Variants in WWC2 observed in about 807,000 individuals in gnomAD.
WWC2 encodes the protein protein WWC2.
WWC2 carries 101 observed loss-of-function variants against 138.5 expected under a neutral mutation model. The observed-to-expected ratio is 0.73, with a 90% CI of 0.62 to 0.86. The LOEUF is 0.86. Ranked by LOEUF, WWC2 falls within the 40% of genes least tolerant of loss-of-function variation. WWC2 has a pLI of 0.00. For synonymous variants in WWC2, 558 were observed against 538.4 expected (o/e 1.04, Z -0.50); for missense variants, 1,420 against 1,419.4 (o/e 1.00, Z -0.01).
Position 183,143,034 on chromosome 4 carries a change from G to A in WWC2, c.131+43412G>A, listed in dbSNP as rs141683046. Among the ~76,000 whole-genome samples the A allele has an allele frequency of 6.1e-3, 933 of 152,320 alleles. 14 individuals carry two copies. The highest frequency in any genetic ancestry group is 0.021 in the African/African-American group (873 of 41,584). On this transcript the variant is annotated intron_variant, in intron 1 of 22. Transcript: ENST00000403733. Reference sequence around the variant, plus strand: ...ACTGTCAGAAGAGAATCACCAGATAGAAGGTGTAGCAACAAGCACTGTCCC... The same window carrying A: ...ACTGTCAGAAGAGAATCACCAGATAAAAGGTGTAGCAACAAGCACTGTCCC...
At chr4:183,289,147 T>C (rs895616777) in intron 20 of WWC2, among the ~76,000 whole-genome samples, 2 of 152,246 alleles carry the variant, frequency 1.3e-5, no homozygotes, top group African/African-American at 4.8e-5. Flanking sequence ...TGTGGTTCTT[T>C]GCTCTCCCTC....
intron 1 of WWC2, among the ~76,000 whole-genome samples, chr4:183,100,305 A>C (rs1743135140): frequency 6.6e-6 from 1 of 152,246 alleles, no homozygotes; most frequent in African/African-American, 2.4e-5. Flanking sequence ...ATGTAGTGAA[A>C]TTAACGTTGG....
rs775681057 is a variant in WWC2, at chr4:183,184,886, TAGG to T, written c.132-8708_132-8706del. Among the ~76,000 whole-genome samples the T allele has an allele frequency of 7.9e-5, 12 of 152,062 alleles. 1 individual carries two copies. Among genetic ancestry groups the T allele is most frequent in the African/African-American group, 2.7e-4 (11 of 41,314 alleles). On this transcript the variant is annotated intron_variant, in intron 1 of 22. Transcript: ENST00000403733. ...TAAATGAAGTGTCTACTATTCCAAA[TAGG>T]AGGACTGTTAAGCCATTATCTGTTT...
intron 1 of WWC2, among the ~76,000 whole-genome samples, chr4:183,102,101 T>TGAC (rs1743198157): frequency 6.6e-6 from 1 of 152,234 alleles, no homozygotes; most frequent in African/African-American, 2.4e-5. Context: ...TGGAGGTGAA[T>TGAC]GACGTCATTC....
chr4:183,113,085 C>T (rs1329899806), intron 1 of WWC2, among the ~76,000 whole-genome samples: 2 of 151,932 alleles, frequency 1.3e-5, no homozygotes, highest in African/African-American at 4.8e-5. Flanking sequence ...CCAGCCTAGC[C>T]AACATGGCAA....
intron 21 of WWC2, among the ~76,000 whole-genome samples, chr4:183,295,617 C>A (rs1738605216): frequency 6.6e-6 from 1 of 152,174 alleles, no homozygotes. Flanking sequence ...TCTTAGAGAC[C>A]TTATGTACAA....
At position 183,316,815 on chromosome 4, in the gene WWC2, A is replaced by G. The variant is rs1331891972; in HGVS notation, c.*1086A>G. On this transcript the variant is annotated 3_prime_UTR_variant, in exon 23 of 23. Transcript: ENST00000403733. ...GGGTTCTATCTATAATTTATGGTAAATAGTTGGGAGGCAAAGGGAAGAATG... is the reference window on the plus strand; with the variant it reads ...GGGTTCTATCTATAATTTATGGTAAGTAGTTGGGAGGCAAAGGGAAGAATG... 6.6e-6 allele frequency: 1 copy of G among 152,218 alleles called. No homozygotes were observed. The highest frequency in any genetic ancestry group is 1.5e-5 in the Non-Finnish European group (1 of 68,044). The allele number at this position is 152,218 out of a possible 1,614,324, so 9.4% of individuals were successfully genotyped here. A position where few individuals can be genotyped will look rare whatever the true frequency, so the allele number is the denominator to read the frequency against.
At chr4:183,180,446 G>T (rs955452023) in intron 1 of WWC2, among the ~76,000 whole-genome samples, 3 of 152,128 alleles carry the variant, frequency 2.0e-5, no homozygotes, top group African/African-American at 2.4e-5. Context: ...TCATGCCAAC[G>T]ATGTTCTGAA....
chr4:183,289,359 C>CAG, intron 20 of WWC2, 34 bp from the exon 21 acceptor site: 1 of 1,598,648 alleles, frequency 6.3e-7, no homozygotes, highest in Non-Finnish European at 8.5e-7. Flanking sequence ...CCTGTATAAC[C>CAG]AGGGTGTTCG....
chr4:183,242,494 A>G (rs962465915), intron 5 of WWC2, among the ~76,000 whole-genome samples: 2 of 152,196 alleles, frequency 1.3e-5, no homozygotes, highest in Non-Finnish European at 2.9e-5. Context: ...TGTGGTCCCA[A>G]ATTTGACTTC....
chr4:183,283,128 A>G (rs932781565), intron 18 of WWC2, among the ~76,000 whole-genome samples: 3 of 152,244 alleles, frequency 2.0e-5, no homozygotes, highest in African/African-American at 7.2e-5. Flanking sequence ...TGGAGAATAT[A>G]TAAGAAGAGA....
chr4:183,202,252 G>A (rs1023387062), intron 2 of WWC2, among the ~76,000 whole-genome samples: 3 of 152,056 alleles, frequency 2.0e-5, no homozygotes, highest in Non-Finnish European at 4.4e-5. Flanking sequence ...AAAAGAGGAG[G>A]TTAGGGATAT....
At chr4:183,154,289 TTATCTGTA>T (rs1446482954) in intron 1 of WWC2, among the ~76,000 whole-genome samples, 2 of 152,200 alleles carry the variant, frequency 1.3e-5, no homozygotes, top group Non-Finnish European at 2.9e-5. Flanking sequence ...CTCAGTTTCC[TTATCTGTA>T]CAGTAGGGGT....
intron 1 of WWC2, among the ~76,000 whole-genome samples, chr4:183,103,693 AGTG>A (rs963904814): frequency 5.7e-5 from 8 of 140,736 alleles, no homozygotes; most frequent in African/African-American, 1.9e-4. Flanking sequence ...ACTGGAGTGC[AGTG>A]GTGCCATCTC....
chr4:183,216,596 C>G (rs1261141839), intron 4 of WWC2, among the ~76,000 whole-genome samples: 1 of 152,152 alleles, frequency 6.6e-6, no homozygotes, highest in Admixed American at 6.5e-5. Flanking sequence ...CTTCAGGTAA[C>G]AGTAGAAGAC....
chr4:183,253,415 A>C (rs1026032252), intron 8 of WWC2, among the ~76,000 whole-genome samples: 2 of 152,126 alleles, frequency 1.3e-5, no homozygotes, highest in African/African-American at 4.8e-5. Flanking sequence ...ACAGGCAGTC[A>C]CACGTCAGAG....
intron 1 of WWC2, among the ~76,000 whole-genome samples, chr4:183,183,138 G>T (rs1233974721): frequency 1.3e-5 from 2 of 152,118 alleles, no homozygotes; most frequent in African/African-American, 4.8e-5. Flanking sequence ...ATCAAGAATA[G>T]TATTTCTAGG....
intron 16 of WWC2, among the ~76,000 whole-genome samples, chr4:183,274,672 C>T (rs960676426): frequency 6.6e-6 from 1 of 152,062 alleles, no homozygotes; most frequent in African/African-American, 2.4e-5. Context: ...TGGCCCCATA[C>T]AACAACATGA....
At chr4:183,264,265 C>T (rs555524863) in intron 11 of WWC2, among the ~76,000 whole-genome samples, 23 of 152,152 alleles carry the variant, frequency 1.5e-4, no homozygotes, top group Non-Finnish European at 2.8e-4. Context: ...CAGATCCCTG[C>T]GCTCACTCTC....
Sources: allele counts gnomAD v4.1 joint callset (sites outside exome capture counted in the v4.1 genomes callset), GRCh38; gene constraint gnomAD v4.1.1; transcripts MANE v1.5; gene names NCBI Gene and HGNC (gene_info 2026-07-23, HGNC 2026-07-21).